The following DOCK2 variants were observed in gnomAD, a reference collection of about 807,000 sequenced individuals.
DOCK2 encodes dedicator of cytokinesis 2, also known as dedicator of cytokinesis protein 2.
A neutral mutation model predicts 248.9 loss-of-function variants in DOCK2; 87 were observed. That is an observed-to-expected ratio of 0.35 (90% confidence interval 0.29 to 0.42). The LOEUF (loss-of-function observed/expected upper bound fraction) is 0.42, where lower values mean the gene tolerates loss of function less well. Among genes scored for constraint, DOCK2 ranks in the 10% least tolerant of loss-of-function variants. DOCK2 has a pLI of 1.00. For missense variants in DOCK2, 1,747 were observed against 2,300.2 expected, an observed-to-expected ratio of 0.76 and a Z score of 4.92; for synonymous variants, 805 against 821.6, an observed-to-expected ratio of 0.98 and a Z score of 0.35.
intron 27 of DOCK2, among the ~76,000 whole-genome samples, chr5:169,936,027 G>T (rs1021325716): frequency 2.0e-4 from 31 of 152,232 alleles, no homozygotes; most frequent in African/African-American, 6.7e-4. Context: ...GCATGGCGGT[G>T]GGGGGAACAA....
intron 2 of DOCK2, among the ~76,000 whole-genome samples, chr5:169,665,558 C>A (rs930136283): frequency 2.6e-5 from 4 of 152,052 alleles, no homozygotes; most frequent in Non-Finnish European, 4.4e-5. Flanking sequence ...CTTTTTACCC[C>A]TCCTCTATTC....
At chr5:169,825,213 G>T (rs76115426) in intron 26 of DOCK2, among the ~76,000 whole-genome samples, 1 of 151,904 alleles carries the variant, frequency 6.6e-6, no homozygotes, top group Admixed American at 6.5e-5. Context: ...ACATTTTGGC[G>T]ATTCCTCAGG....
rs1757760737 is a variant in DOCK2 at position 170,073,977 on chromosome 5, C to A, written c.4729-1970C>A. On this transcript the variant is annotated intron_variant, in intron 46 of 51. Transcript: ENST00000520908. ...CCTTTATTATTTTCATTCCTTTTCT[C>A]CCTTTGAATTTAGTTCGCTGTTCTT... 7.2e-5 allele frequency among the ~76,000 whole-genome samples: 11 copies of A among 152,008 alleles called. No homozygotes were observed. The South Asian group carries it at 2.1e-3, about 29-fold the overall frequency.
intron 36 of DOCK2, among the ~76,000 whole-genome samples, chr5:170,039,986 A>G (rs1274224255): frequency 6.6e-6 from 1 of 152,224 alleles, no homozygotes; most frequent in Non-Finnish European, 1.5e-5. Flanking sequence ...CAACGGTGGC[A>G]GGAGAGAATG....
intron 27 of DOCK2, chr5:169,864,336 C>T (rs758788439): frequency 1.2e-4 from 191 of 1,551,434 alleles, no homozygotes; most frequent in South Asian, 2.0e-4. Flanking sequence ...CCTGCTTTTC[C>T]GGGGCTGGGG....
intron 50 of DOCK2, 37 bp from the exon 51 acceptor site, chr5:170,081,805 C>T: frequency 1.3e-6 from 2 of 1,535,930 alleles, no homozygotes; most frequent in Non-Finnish European, 1.8e-6. Context: ...CCCTCCTCTA[C>T]CCACCCATTC....
intron 41 of DOCK2, among the ~76,000 whole-genome samples, chr5:170,054,580 C>A (rs1399611403): frequency 2.0e-5 from 3 of 152,232 alleles, no homozygotes; most frequent in Non-Finnish European, 4.4e-5. Context: ...CTGCCATAGG[C>A]AGTTGCTTTC....
At chr5:170,060,872 A>G (rs895955496) in intron 44 of DOCK2, among the ~76,000 whole-genome samples, 1 of 152,136 alleles carries the variant, frequency 6.6e-6, no homozygotes, top group Non-Finnish European at 1.5e-5. Flanking sequence ...TCTACTAAAA[A>G]TACAAAAATT....
intron 27 of DOCK2, among the ~76,000 whole-genome samples, chr5:169,967,790 G>A (rs977703014): frequency 6.6e-6 from 1 of 152,142 alleles, no homozygotes; most frequent in Non-Finnish European, 1.5e-5. Context: ...AGAGTGTAGG[G>A]AGAGAAATGA....
chr5:169,938,924 A>T (rs174215), intron 27 of DOCK2, among the ~76,000 whole-genome samples: 1 of 145,570 alleles, frequency 6.9e-6, no homozygotes, highest in Non-Finnish European at 1.5e-5. Context: ...TTTTTTTTGA[A>T]ATGGAGTCTT....
At chr5:169,846,731 A>C (rs998734272) in intron 27 of DOCK2, among the ~76,000 whole-genome samples, 1 of 152,094 alleles carries the variant, frequency 6.6e-6, no homozygotes, top group Non-Finnish European at 1.5e-5. Flanking sequence ...TTTGGAGTAC[A>C]AGTGGTTTTT....
intron 5 of DOCK2, 44 bp from the exon 6 acceptor site, chr5:169,674,253 G>C (rs1375044006): frequency 6.2e-7 from 1 of 1,605,306 alleles, no homozygotes; most frequent in Non-Finnish European, 8.5e-7. Context: ...AGATGGTCAT[G>C]CCCCTTTAAC....
chr5:169,886,641 T>G (rs1256491013), intron 27 of DOCK2, among the ~76,000 whole-genome samples: 1 of 152,252 alleles, frequency 6.6e-6, no homozygotes, highest in African/African-American at 2.4e-5. Context: ...TAACCTCCTG[T>G]ATATTATCCC....
chr5:169,963,373 C>T (rs1282864432), intron 27 of DOCK2, among the ~76,000 whole-genome samples: 2 of 152,166 alleles, frequency 1.3e-5, no homozygotes, highest in African/African-American at 4.8e-5. Context: ...GATTAGGCCT[C>T]CATCCCTCTC....
intron 13 of DOCK2, among the ~76,000 whole-genome samples, chr5:169,701,758 T>C (rs1760983814): frequency 6.6e-6 from 1 of 152,170 alleles, no homozygotes; most frequent in African/African-American, 2.4e-5. Context: ...GCTCAGGCGA[T>C]CTGCCCGCTT....
chr5:169,755,690 G>A (rs1029701559), intron 23 of DOCK2, among the ~76,000 whole-genome samples: 2 of 152,196 alleles, frequency 1.3e-5, no homozygotes, highest in African/African-American at 4.8e-5. Context: ...GTTACAGTGA[G>A]CAGAGATTGT....
chr5:169,796,180 A>T (rs1310157228), intron 25 of DOCK2, among the ~76,000 whole-genome samples: 3 of 152,146 alleles, frequency 2.0e-5, no homozygotes, highest in East Asian at 3.9e-4. Context: ...CTTCCCCAAC[A>T]CTAAGAGAGG....
chr5:169,650,488 C>G (rs1757743749), intron 1 of DOCK2, among the ~76,000 whole-genome samples: 1 of 152,182 alleles, frequency 6.6e-6, no homozygotes, highest in Non-Finnish European at 1.5e-5. Flanking sequence ...TTTTTGTGAG[C>G]CACTGTGCTA....
In DOCK2 at chr5:169,699,358, T is replaced by G. The variant is rs1343702737; in HGVS notation, c.1056-24T>G. The G allele has an allele frequency of 1.9e-6, 3 of 1,609,918 alleles. No homozygotes were observed. The East Asian group carries it at 6.7e-5, about 36-fold the overall frequency. ...CGCAAGGAGGACACGATGTGGACAT[T>G]TCATGCTCTCTTTTCCTTTCCAGGG... On this transcript the variant is annotated intron_variant, in intron 11 of 51. Transcript: ENST00000520908.
Sources: gnomAD v4.1 joint callset for allele counts (sites outside exome capture counted in the v4.1 genomes callset) on GRCh38, gnomAD v4.1.1 for gene constraint, MANE v1.5 for transcripts, NCBI Gene and HGNC (gene_info 2026-07-23, HGNC 2026-07-21) for gene names.